Variants in BTBD9 observed in about 807,000 individuals in gnomAD.
BTBD9 encodes the protein BTB/POZ domain-containing protein 9.
A neutral mutation model predicts 64.3 loss-of-function variants in BTBD9; 49 were observed. The observed-to-expected ratio is 0.76, with a 90% confidence interval of 0.61 to 0.97. The LOEUF (loss-of-function observed/expected upper bound fraction) is 0.97, where lower values mean the gene tolerates loss of function less well. Ranked by LOEUF, BTBD9 falls within the 50% of genes least tolerant of loss-of-function variation. The probability of loss-of-function intolerance (pLI) is 0.00; values close to 1 mark genes in which losing one functional copy is unlikely to be tolerated. For synonymous variants in BTBD9, 260 were observed against 274.7 expected (o/e 0.95, Z 0.53); for missense variants, 598 against 762.1 (o/e 0.78, Z 2.53).
At chr6:38,337,778 C>G (rs2127585793) in intron 7 of BTBD9, among the ~76,000 whole-genome samples, 1 of 152,298 alleles carries the variant, frequency 6.6e-6, no homozygotes, top group African/African-American at 2.4e-5. Context: ...AGCTCTATTC[C>G]TTCCCTTGTC....
intron 9 of BTBD9, among the ~76,000 whole-genome samples, chr6:38,227,445 C>A (rs1203900821): frequency 6.6e-6 from 1 of 152,194 alleles, no homozygotes; most frequent in East Asian, 1.9e-4. Context: ...AAGAGGCACA[C>A]AATGAGGTCT....
intron 6 of BTBD9, among the ~76,000 whole-genome samples, chr6:38,547,706 C>T (rs531511208): frequency 1.1e-4 from 16 of 152,164 alleles, no homozygotes; most frequent in Admixed American, 2.6e-4. Flanking sequence ...TGGTTACCTC[C>T]TGTCTTTCCT....
At chr6:38,257,472 C>T (rs967208837) in intron 8 of BTBD9, among the ~76,000 whole-genome samples, 5 of 152,164 alleles carry the variant, frequency 3.3e-5, no homozygotes, top group African/African-American at 9.7e-5. Flanking sequence ...GCCAGGATTA[C>T]AGGTGTGAGC....
intron 6 of BTBD9, among the ~76,000 whole-genome samples, chr6:38,431,491 C>T (rs1768436377): frequency 6.6e-6 from 1 of 152,062 alleles, no homozygotes; most frequent in South Asian, 2.1e-4. Flanking sequence ...ATGCCAGAAC[C>T]ATGCATTTAA....
chr6:38,524,356 A>T (rs897478667), intron 6 of BTBD9, among the ~76,000 whole-genome samples: 2 of 152,094 alleles, frequency 1.3e-5, no homozygotes, highest in Non-Finnish European at 2.9e-5. Context: ...ATACTGAAAA[A>T]TTTTTCTTCT....
intron 8 of BTBD9, among the ~76,000 whole-genome samples, chr6:38,287,424 C>T (rs1761785082): frequency 6.6e-6 from 1 of 152,084 alleles, no homozygotes; most frequent in South Asian, 2.1e-4. Flanking sequence ...AGATTACAGG[C>T]ATGAGGCACC....
chr6:38,250,786 G>C (rs975403900), intron 9 of BTBD9, among the ~76,000 whole-genome samples: 2 of 152,168 alleles, frequency 1.3e-5, no homozygotes, highest in East Asian at 3.8e-4. Flanking sequence ...AAAAACAGAA[G>C]TTTAGGCCGA....
At chr6:38,618,348 A>G (rs1395563121) in intron 1 of BTBD9, among the ~76,000 whole-genome samples, 2 of 152,236 alleles carry the variant, frequency 1.3e-5, no homozygotes, top group Non-Finnish European at 2.9e-5. Flanking sequence ...CTTTTCTGTA[A>G]GAGGGAAGGC....
chr6:38,451,600 C>T (rs1439454716), intron 6 of BTBD9, among the ~76,000 whole-genome samples: 2 of 152,122 alleles, frequency 1.3e-5, no homozygotes, highest in African/African-American at 4.8e-5. Flanking sequence ...GAGTACACTC[C>T]TCTTTCTTCT....
At position 38,374,298 on chromosome 6, in the gene BTBD9, T is replaced by TATATATATATATATATAC. The variant is rs1562095366; in HGVS notation, c.1155-29206_1155-29205insGTATATATATATATATAT. Among the ~76,000 whole-genome samples the TATATATATATATATATAC allele has an allele frequency of 3.3e-4, 17 of 50,816 alleles. 1 individual carries two copies. The highest frequency in any genetic ancestry group is 3.3e-3 in the African/African-American group (17 of 5,102). The allele number at this position is 50,816 out of a possible 152,430, so 33.3% of individuals were successfully genotyped here. On this transcript the variant is annotated intron_variant, in intron 6 of 10. Transcript: ENST00000481247. ...AAAAAAAAAAGTATATATATATATG[T>TATATATATATATATATAC]ATATATATGTATATATATATATATA...
chr6:38,583,278 G>A (rs961548772), intron 4 of BTBD9, among the ~76,000 whole-genome samples: 2 of 152,122 alleles, frequency 1.3e-5, no homozygotes, highest in African/African-American at 4.8e-5. Context: ...CAGGTGGATT[G>A]CCTGAGAGGT....
chr6:38,193,229 G>T (rs1001313408), intron 9 of BTBD9, among the ~76,000 whole-genome samples: 3 of 152,134 alleles, frequency 2.0e-5, no homozygotes, highest in Non-Finnish European at 4.4e-5. Context: ...TACTCAGCTC[G>T]GCAGGCTTCT....
At chr6:38,632,596 G>C (rs1582745318) in intron 1 of BTBD9, among the ~76,000 whole-genome samples, 1 of 151,860 alleles carries the variant, frequency 6.6e-6, no homozygotes, top group African/African-American at 2.4e-5. Flanking sequence ...AACTGTACTT[G>C]AAAAAGTACA....
chr6:38,422,585 T>G (rs73730957), intron 6 of BTBD9, among the ~76,000 whole-genome samples: 4 of 152,132 alleles, frequency 2.6e-5, no homozygotes, highest in Non-Finnish European at 5.9e-5. Flanking sequence ...ATGTTCTAAA[T>G]GAAATGAAGA....
chr6:38,292,181 C>T (rs1761989154), intron 7 of BTBD9, among the ~76,000 whole-genome samples: 1 of 152,076 alleles, frequency 6.6e-6, no homozygotes, highest in Non-Finnish European at 1.5e-5. Flanking sequence ...TCAGGTTGGT[C>T]TTGAACTCCT....
intron 10 of BTBD9, among the ~76,000 whole-genome samples, chr6:38,177,114 A>G (rs1174898278): frequency 1.3e-5 from 2 of 152,002 alleles, no homozygotes; most frequent in Admixed American, 1.3e-4. Context: ...CGGCCCCACC[A>G]TGTTCTTTAA....
At chr6:38,345,193 C>A in intron 6 of BTBD9, 100 bp from the exon 7 acceptor site, 1 of 676,302 alleles carries the variant, frequency 1.5e-6, no homozygotes, top group Non-Finnish European at 2.5e-6. Context: ...ATAGAGTGCA[C>A]CAGGATATAG....
intron 6 of BTBD9, among the ~76,000 whole-genome samples, chr6:38,407,171 T>C (rs1280229085): frequency 6.6e-6 from 1 of 152,264 alleles, no homozygotes; most frequent in East Asian, 1.9e-4. Context: ...TGATGACATC[T>C]TAACTGTTTA....
intron 8 of BTBD9, among the ~76,000 whole-genome samples, chr6:38,281,322 T>C (rs1183779572): frequency 2.6e-5 from 4 of 152,178 alleles, no homozygotes; most frequent in Non-Finnish European, 5.9e-5. Flanking sequence ...CTAGAGTTGG[T>C]TGTAGCCACA....
Sources: allele counts gnomAD v4.1 joint callset (sites outside exome capture counted in the v4.1 genomes callset), GRCh38; gene constraint gnomAD v4.1.1; transcripts MANE v1.5; gene names NCBI Gene and HGNC (gene_info 2026-07-23, HGNC 2026-07-21).